MAOB: variants seen among roughly 807,000 people sequenced by gnomAD.
MAOB encodes monoamine oxidase B.
In MAOB, 15 loss-of-function variants were observed where a neutral mutation model predicts 41.9. That is an observed-to-expected ratio of 0.36 (90% CI 0.24 to 0.55). MAOB has a LOEUF of 0.55. Among genes scored for constraint, MAOB ranks in the 20% least tolerant of loss-of-function variants. MAOB has a pLI of 0.86. For missense variants in MAOB, 345 were observed against 398.7 expected (o/e 0.87, Z 1.15); for synonymous variants, 167 against 144.2 (o/e 1.16, Z -1.13).
At chrX:43,837,161 C>A (rs1254741833) in intron 3 of MAOB, among the ~76,000 whole-genome samples, 1 of 111,773 alleles carries the variant, frequency 8.9e-6, no homozygotes, top group Non-Finnish European at 1.9e-5. Flanking sequence ...TCTCTGCAAG[C>A]CTTACAGGTA....
In MAOB at chrX:43,812,344, C is replaced by A. The variant is rs369799559; in HGVS notation, c.280-8940G>T. Among the ~76,000 whole-genome samples the A allele has an allele frequency of 8.9e-5, 10 of 112,462 alleles. No homozygotes were observed. In the South Asian group the frequency reaches 1.8e-3, roughly 21 times the overall value. On this transcript the variant is annotated intron_variant, in intron 3 of 14. Coordinates refer to ENST00000378069, the MANE Select transcript of MAOB (RefSeq NM_000898.5). ...CCTCTTTGATATGCTGATTTCCTTT[C>A]TTTGGGGTGTATACCCAGCAGTGGG...
At chrX:43,871,567 G>A (rs2035407691) in intron 1 of MAOB, among the ~76,000 whole-genome samples, 1 of 101,772 alleles carries the variant, frequency 9.8e-6, no homozygotes, top group African/African-American at 3.6e-5. Context: ...GTACATGTCT[G>A]CCTCCTTCTG....
intron 3 of MAOB, among the ~76,000 whole-genome samples, chrX:43,812,705 G>T (rs754465375): frequency 8.9e-6 from 1 of 112,312 alleles, no homozygotes; most frequent in South Asian, 3.6e-4. Context: ...TTATAGAATT[G>T]CTTGCTAACA....
At chrX:43,881,373 G>A (rs2035472057) in intron 1 of MAOB, among the ~76,000 whole-genome samples, 1 of 113,207 alleles carries the variant, frequency 8.8e-6, no homozygotes, top group African/African-American at 3.2e-5. Flanking sequence ...GTACTAGGCA[G>A]CGTTAGGAGG....
intron 12 of MAOB, among the ~76,000 whole-genome samples, chrX:43,771,377 G>A (rs1452473066): frequency 8.9e-6 from 1 of 112,006 alleles, no homozygotes; most frequent in Admixed American, 9.5e-5. Flanking sequence ...GTTTAAGGTA[G>A]CTAAGCTAAA....
intron 14 of MAOB, 32 bp from the exon 15 acceptor site, chrX:43,767,650 G>T: frequency 8.6e-7 from 1 of 1,163,663 alleles, no homozygotes; most frequent in Non-Finnish European, 1.2e-6. Flanking sequence ...TATTAGTACA[G>T]GGCTTGTGCA....
chrX:43,839,569 C>A (rs2035109384), intron 2 of MAOB, among the ~76,000 whole-genome samples: 1 of 111,843 alleles, frequency 8.9e-6, no homozygotes, highest in Non-Finnish European at 1.9e-5. Flanking sequence ...TTTCCTATTT[C>A]TGAGTATGTC....
At chrX:43,857,100 TATATATATATATATATAGAGAGAG>T (rs2035296171) in intron 1 of MAOB, among the ~76,000 whole-genome samples, 1 of 23,097 alleles carries the variant, frequency 4.3e-5, no homozygotes, top group Non-Finnish European at 7.0e-5. Flanking sequence ...TATATATATA[TATATATATATATATATAGAGAGAG>T]AGAGAGAGAG....
intron 3 of MAOB, among the ~76,000 whole-genome samples, chrX:43,817,606 G>C (rs1004329144): frequency 9.0e-6 from 1 of 111,346 alleles, no homozygotes; most frequent in African/African-American, 3.3e-5. Flanking sequence ...ACTTTTTATC[G>C]TGCTTACACA....
intron 1 of MAOB, among the ~76,000 whole-genome samples, chrX:43,846,205 G>A (rs772704386): frequency 8.9e-6 from 1 of 112,286 alleles, no homozygotes; most frequent in Non-Finnish European, 1.9e-5. Flanking sequence ...TAGATAAACC[G>A]CTTGAGCATG....
Position 43,882,391 on chromosome X carries a change from T to TGCCC in MAOB, c.-96_-93dup. 8.9e-7 allele frequency: 1 copy of TGCCC among 1,117,352 alleles called. No homozygotes were observed. Among genetic ancestry groups the TGCCC allele is most frequent in the South Asian group, 2.2e-5 (1 of 45,724 alleles). The allele number at this position is 1,117,352 out of a possible 1,213,427, so 92.1% of individuals were successfully genotyped here. The stretch of plus-strand genomic sequence containing the variant: ...CTGCCTGCCAGCCAGCCCGCCCGCC[T>TGCCC]GCCCGCCGGCCTGCTGCGCGCTGCC... On this transcript the variant is annotated 5_prime_UTR_variant, in exon 1 of 15. Transcript: ENST00000378069.
intron 3 of MAOB, among the ~76,000 whole-genome samples, chrX:43,818,302 G>T (rs969146594): frequency 8.9e-6 from 1 of 111,766 alleles, no homozygotes; most frequent in African/African-American, 3.3e-5. Flanking sequence ...CCACTTTTTG[G>T]CTATTATGAA....
intron 3 of MAOB, among the ~76,000 whole-genome samples, chrX:43,819,270 C>A (rs771771520): frequency 2.7e-5 from 3 of 111,607 alleles, no homozygotes; most frequent in Non-Finnish European, 3.8e-5. Context: ...TGATTTTCAG[C>A]CCCCTTCAGA....
intron 3 of MAOB, among the ~76,000 whole-genome samples, chrX:43,827,707 C>G (rs778871856): frequency 9.0e-6 from 1 of 111,459 alleles, no homozygotes; most frequent in Non-Finnish European, 1.9e-5. Context: ...TAATCTGCTT[C>G]GAAGCACAAT....
At chrX:43,873,963 C>T (rs1208909996) in intron 1 of MAOB, among the ~76,000 whole-genome samples, 1 of 112,150 alleles carries the variant, frequency 8.9e-6, no homozygotes, top group Non-Finnish European at 1.9e-5. Flanking sequence ...GTGTGAGCCA[C>T]TGCACCCGGC....
chrX:43,850,429 G>A (rs923416523), intron 1 of MAOB: 13 of 749,239 alleles, frequency 1.7e-5, no homozygotes, highest in Non-Finnish European at 1.9e-5. Flanking sequence ...CATCTCTACT[G>A]AACTACATAT....
intron 2 of MAOB, among the ~76,000 whole-genome samples, chrX:43,840,663 C>T (rs903952841): frequency 9.0e-6 from 1 of 110,522 alleles, no homozygotes; most frequent in Non-Finnish European, 1.9e-5. Context: ...GGTGGGGTGT[C>T]GCCTTACCTG....
At chrX:43,810,107 G>T (rs2034725660) in intron 3 of MAOB, among the ~76,000 whole-genome samples, 1 of 101,502 alleles carries the variant, frequency 9.9e-6, no homozygotes, top group South Asian at 4.5e-4. Flanking sequence ...GCCGGGCGTG[G>T]TGGCGGGCGC....
chrX:43,832,357 G>T (rs1001489412), intron 3 of MAOB, among the ~76,000 whole-genome samples: 23 of 111,956 alleles, frequency 2.1e-4, no homozygotes, highest in African/African-American at 7.1e-4. Flanking sequence ...TAATACATTT[G>T]CTTTTTTGCA....
Sources: gnomAD v4.1 joint callset for allele counts (sites outside exome capture counted in the v4.1 genomes callset) on GRCh38, gnomAD v4.1.1 for gene constraint, MANE v1.5 for transcripts, NCBI Gene and HGNC (gene_info 2026-07-23, HGNC 2026-07-21) for gene names.